Variants in TNRC6B observed in about 807,000 individuals in gnomAD.
TNRC6B encodes the protein trinucleotide repeat containing adaptor 6B.
TNRC6B carries 52 observed loss-of-function variants against 203.6 expected under a neutral mutation model. That is an observed-to-expected ratio of 0.26 (90% CI 0.20 to 0.32). The LOEUF is 0.32. Among genes scored for constraint, TNRC6B ranks in the 10% least tolerant of loss-of-function variants. The pLI, the probability that TNRC6B is intolerant of heterozygous loss-of-function variation, is 1.00. For missense variants in TNRC6B, 1,923 were observed against 2,286.2 expected, an observed-to-expected ratio of 0.84 and a Z score of 3.24; for synonymous variants, 838 against 845.7, an observed-to-expected ratio of 0.99 and a Z score of 0.16.
In TNRC6B at chr22:40,280,128, G is replaced by T. The variant is rs2070704714; in HGVS notation, c.3396G>T (p.Gly1132=). 1 of 1,612,394 alleles carries T rather than the reference G, an allele frequency of 6.2e-7. No homozygotes were observed. The highest frequency in any genetic ancestry group is 1.3e-5 in the African/African-American group (1 of 74,878). ...AAGACATGGGAACCACAGATAGTGG[G>T]CCTTATTTTGAGAAGGTGAGTTGAA... ...NSKDMGTTDS[G]PYFEKLTLPF... is the part of the protein sequence containing the mutation. The change falls in exon 10 of 23, where the codon GGG becomes GGT. Residue 1132 remains glycine (G), a synonymous_variant. Coordinates refer to ENST00000454349, the MANE Select transcript of TNRC6B (RefSeq NM_001162501.2).
chr22:40,084,107 GAGA>G (rs764986355), intron 1 of TNRC6B, among the ~76,000 whole-genome samples: 1 of 152,180 alleles, frequency 6.6e-6, no homozygotes. Flanking sequence ...TGGAGTTTGA[GAGA>G]AGGAGACCTT....
chr22:40,244,669 T>G (rs1297812574), intron 1 of TNRC6B, among the ~76,000 whole-genome samples: 1 of 152,182 alleles, frequency 6.6e-6, no homozygotes, highest in Non-Finnish European at 1.5e-5. Flanking sequence ...CACTTGTAAC[T>G]CAGCCTTATG....
intron 4 of TNRC6B, among the ~76,000 whole-genome samples, chr22:40,162,965 G>T (rs1329949158): frequency 2.6e-5 from 4 of 152,114 alleles, no homozygotes; most frequent in African/African-American, 9.7e-5. Context: ...GGAACTTTCA[G>T]TTGCTAATAA....
intron 1 of TNRC6B, among the ~76,000 whole-genome samples, chr22:40,067,766 C>T (rs1177652438): frequency 1.3e-5 from 2 of 152,084 alleles, no homozygotes; most frequent in African/African-American, 4.8e-5. Context: ...TTTTTCCATT[C>T]AGGCCCCTAG....
chr22:40,318,372 C>T (rs944113170), intron 21 of TNRC6B, among the ~76,000 whole-genome samples: 4 of 151,954 alleles, frequency 2.6e-5, no homozygotes, highest in African/African-American at 9.7e-5. Flanking sequence ...ATGGTGAAAC[C>T]CCATCTTTAC....
chr22:40,099,122 C>T (rs1229157625), intron 1 of TNRC6B, among the ~76,000 whole-genome samples: 4 of 151,744 alleles, frequency 2.6e-5, no homozygotes, highest in African/African-American at 7.3e-5. Context: ...CCGTGGTGGA[C>T]GCCTGTAATC....
chr22:40,331,772 A>G lies in TNRC6B; in HGVS notation c.*8531A>G. 1 of 376,144 alleles carries G rather than the reference A, an allele frequency of 2.7e-6. No individual in the cohort carries two copies. Among genetic ancestry groups the G allele is most frequent in the Non-Finnish European group, 4.7e-6 (1 of 210,864 alleles). 23.3% of individuals were successfully genotyped at this position (376,144 alleles called of 1,614,324 possible). A position where few individuals can be genotyped will look rare whatever the true frequency, so the allele number is the denominator to read the frequency against. On this transcript the variant is annotated 3_prime_UTR_variant, in exon 23 of 23. Transcript: ENST00000454349. Reference sequence around the variant, plus strand: ...AGGGGGTGGGGAGGAGAGGGCAGAAAGGGGAAGGGAGTAGCGTTGCATCCT... The same window carrying G: ...AGGGGGTGGGGAGGAGAGGGCAGAAGGGGGAAGGGAGTAGCGTTGCATCCT...
chr22:40,247,578 A>G (rs2070125937), intron 2 of TNRC6B, among the ~76,000 whole-genome samples: 1 of 152,216 alleles, frequency 6.6e-6, no homozygotes, highest in Non-Finnish European at 1.5e-5. Context: ...ATTAAAAGGA[A>G]CATTCATTAT....
chr22:40,074,015 G>A (rs2067980258), intron 1 of TNRC6B, among the ~76,000 whole-genome samples: 1 of 151,300 alleles, frequency 6.6e-6, no homozygotes, highest in Admixed American at 6.6e-5. Context: ...GTTGTAGTGA[G>A]TGGAGATTGT....
At chr22:40,196,413 T>C (rs1029032857) in intron 1 of TNRC6B, among the ~76,000 whole-genome samples, 1 of 152,086 alleles carries the variant, frequency 6.6e-6, no homozygotes, top group African/African-American at 2.4e-5. Flanking sequence ...TTAATAGATC[T>C]AGAGGTAAAA....
intron 1 of TNRC6B, among the ~76,000 whole-genome samples, chr22:40,113,834 T>G (rs550665608): frequency 3.9e-5 from 6 of 152,290 alleles, no homozygotes; most frequent in Non-Finnish European, 7.4e-5. Flanking sequence ...CTTGCTGGTG[T>G]TGTGCTCCTC....
chr22:40,273,274 T>G, intron 6 of TNRC6B, 151 bp from the exon 7 acceptor site: 1 of 709,430 alleles, frequency 1.4e-6, no homozygotes, highest in Non-Finnish European at 2.2e-6. Flanking sequence ...TTTCCTGCTC[T>G]CTAAAAAATG....
At chr22:40,189,392 A>G (rs1262080144) in intron 1 of TNRC6B, among the ~76,000 whole-genome samples, 2 of 152,056 alleles carry the variant, frequency 1.3e-5, no homozygotes, top group Non-Finnish European at 2.9e-5. Context: ...TCACGAAGGC[A>G]CATCTCTCAA....
chr22:40,164,728 C>T (rs2068902756), intron 4 of TNRC6B, among the ~76,000 whole-genome samples: 1 of 146,076 alleles, frequency 6.8e-6, no homozygotes, highest in African/African-American at 2.5e-5. Context: ...CGCCATTACA[C>T]TCCAGCCTGA....
At chr22:40,141,900 G>A (rs1028069860) in intron 3 of TNRC6B, among the ~76,000 whole-genome samples, 2 of 151,340 alleles carry the variant, frequency 1.3e-5, no homozygotes, top group African/African-American at 2.4e-5. Flanking sequence ...TCAGCCTCCC[G>A]AGTAGCTGAG....
intron 4 of TNRC6B, among the ~76,000 whole-genome samples, chr22:40,166,736 A>G (rs899334255): frequency 1.2e-4 from 18 of 152,024 alleles, no homozygotes; most frequent in African/African-American, 4.1e-4. Flanking sequence ...CTCTACTGAA[A>G]GTCCAAAAAT....
chr22:40,248,242 C>G (rs62238015), intron 2 of TNRC6B, among the ~76,000 whole-genome samples: 2,935 of 152,278 alleles, frequency 0.019, 50 homozygotes, highest in Non-Finnish European at 0.031. Context: ...TGTCGCCGTG[C>G]CTCGCACACA....
At chr22:40,322,810 G>C in intron 22 of TNRC6B, 44 bp from the exon 23 acceptor site, 1 of 1,611,158 alleles carries the variant, frequency 6.2e-7, no homozygotes, top group East Asian at 2.2e-5. Flanking sequence ...TATGCTTTAG[G>C]ATTTTCCTGA....
intron 3 of TNRC6B, among the ~76,000 whole-genome samples, chr22:40,154,019 C>G (rs2068786512): frequency 6.6e-6 from 1 of 151,438 alleles, no homozygotes; most frequent in Non-Finnish European, 1.5e-5. Flanking sequence ...GTTGCCCAGA[C>G]TGGAGTGCAG....
Sources: gnomAD v4.1 joint callset for allele counts (sites outside exome capture counted in the v4.1 genomes callset) on GRCh38, gnomAD v4.1.1 for gene constraint, MANE v1.5 for transcripts, NCBI Gene and HGNC (gene_info 2026-07-23, HGNC 2026-07-21) for gene names.